Variants in EXOC6B observed in about 807,000 individuals in gnomAD.
The protein encoded by EXOC6B is exocyst complex component 6B, also known as SEC15 homolog B.
EXOC6B carries 54 observed loss-of-function variants against 113.5 expected under a neutral mutation model. The ratio of observed to expected loss-of-function variants is 0.48; its 90% confidence interval spans 0.38 to 0.60. EXOC6B has a LOEUF of 0.60. Among genes scored for constraint, EXOC6B ranks in the 20% least tolerant of loss-of-function variants. The probability of loss-of-function intolerance (pLI) is 0.00; values close to 1 mark genes in which losing one functional copy is unlikely to be tolerated. For synonymous variants in EXOC6B, 357 were observed against 339.0 expected (o/e 1.05, Z -0.58); for missense variants, 797 against 977.5 (o/e 0.82, Z 2.46).
At position 72,388,428 on chromosome 2, in the gene EXOC6B, T is replaced by C. The variant is rs1032942139; in HGVS notation, c.1981-8558A>G. On this transcript the variant is annotated intron_variant, in intron 18 of 21. Coordinates refer to ENST00000272427, the MANE Select transcript of EXOC6B (RefSeq NM_015189.3). Reference sequence around the variant, plus strand: ...ACTAACATAGTCTATACAGTTTTACTCCTTTTGAATTTACTGACGCATGTT... The same window carrying C: ...ACTAACATAGTCTATACAGTTTTACCCCTTTTGAATTTACTGACGCATGTT... Among the ~76,000 whole-genome samples the C allele has an allele frequency of 4.3e-4, 65 of 152,200 alleles. 1 individual carries two copies. The highest frequency in any genetic ancestry group is 1.6e-4 in the Non-Finnish European group (11 of 68,024).
intron 20 of EXOC6B, among the ~76,000 whole-genome samples, chr2:72,271,847 G>GA (rs35086517): frequency 0.019 from 2,871 of 149,280 alleles, 86 homozygotes; most frequent in African/African-American, 0.066. Context: ...AATGCTCAAG[G>GA]AAAAAAAAAA....
Position 72,300,124 on chromosome 2 carries a change from G to C in EXOC6B, c.2196+34823C>G, listed in dbSNP as rs190478909. ...AAGTCTGCTGAAGCTGTGCCCACAG[G>C]CGCCCCTTCTCCCAGGTGCTCAGTC... On this transcript the variant is annotated intron_variant, in intron 20 of 21. Transcript: ENST00000272427. 6.9e-3 allele frequency among the ~76,000 whole-genome samples: 1,045 copies of C among 152,292 alleles called. 4 individuals are homozygous for C. The highest frequency in any genetic ancestry group is 0.011 in the Non-Finnish European group (782 of 68,014).
chr2:72,696,586 G>C (rs891803129), intron 6 of EXOC6B, among the ~76,000 whole-genome samples: 1 of 152,140 alleles, frequency 6.6e-6, no homozygotes, highest in African/African-American at 2.4e-5. Flanking sequence ...TCTGGAGACT[G>C]GGTTTGAAGA....
At chr2:72,224,800 G>C (rs1049064523) in intron 20 of EXOC6B, among the ~76,000 whole-genome samples, 1 of 144,990 alleles carries the variant, frequency 6.9e-6, no homozygotes, top group Admixed American at 6.9e-5. Flanking sequence ...CAGCTAATCT[G>C]TGTGTGTGTG....
At chr2:72,589,599 C>A (rs905583504) in intron 6 of EXOC6B, among the ~76,000 whole-genome samples, 1 of 151,768 alleles carries the variant, frequency 6.6e-6, no homozygotes, top group African/African-American at 2.4e-5. Flanking sequence ...ATATGCAGGT[C>A]TATCTGGTAA....
intron 7 of EXOC6B, 27 bp from the exon 8 acceptor site, chr2:72,559,548 A>C (rs760227261): frequency 6.3e-7 from 1 of 1,590,974 alleles, no homozygotes; most frequent in Admixed American, 1.8e-5. Flanking sequence ...ATAACAAAAA[A>C]ATTCAAACAA....
At chr2:72,659,084 C>T (rs1674818711) in intron 6 of EXOC6B, among the ~76,000 whole-genome samples, 1 of 152,032 alleles carries the variant, frequency 6.6e-6, no homozygotes, top group Non-Finnish European at 1.5e-5. Context: ...CAGACAGTAT[C>T]TCAAATTATT....
In EXOC6B at chr2:72,465,252, T is replaced by C. The variant is rs1558694909; in HGVS notation, c.1888A>G (p.Met630Val). 5 of 1,610,912 alleles carry C rather than the reference T, an allele frequency of 3.1e-6. No homozygotes were observed. ...QFLQLADYDWMTGDLGNKASD... is the reference protein window; with the variant it reads ...QFLQLADYDWVTGDLGNKASD... ...GCTTTGTTGCCCAAATCTCCGGTCA[T>C]CCAGTCATAGTCTGCCAGCTGTAGG... Residue 630 changes from methionine (M) to valine (V), a missense_variant, in exon 18 of 22, where the codon ATG (methionine) becomes GTG (valine). Coordinates refer to ENST00000272427, the MANE Select transcript of EXOC6B (RefSeq NM_015189.3).
intron 16 of EXOC6B, among the ~76,000 whole-genome samples, chr2:72,489,411 A>AT (rs1380754900): frequency 4.6e-5 from 7 of 151,928 alleles, no homozygotes; most frequent in South Asian, 2.1e-4. Context: ...TCTTGTTCTA[A>AT]TTTTTTTTAC....
chr2:72,231,184 C>G (rs13399018), intron 20 of EXOC6B, among the ~76,000 whole-genome samples: 5,120 of 152,218 alleles, frequency 0.034, 263 homozygotes, highest in African/African-American at 0.11. Flanking sequence ...TTTCTCTGCT[C>G]TCACTCTCTC....
chr2:72,454,361 A>G (rs2105371458), intron 18 of EXOC6B, among the ~76,000 whole-genome samples: 1 of 152,214 alleles, frequency 6.6e-6, no homozygotes, highest in Middle Eastern at 3.4e-3. Flanking sequence ...TAAGTTAGCC[A>G]GGAATGGCAG....
intron 6 of EXOC6B, among the ~76,000 whole-genome samples, chr2:72,672,712 A>G (rs1675990193): frequency 6.6e-6 from 1 of 152,174 alleles, no homozygotes; most frequent in Non-Finnish European, 1.5e-5. Context: ...GCACAAAAAG[A>G]CAAATATCAC....
At chr2:72,580,209 T>C (rs1017467563) in intron 6 of EXOC6B, among the ~76,000 whole-genome samples, 7 of 145,666 alleles carry the variant, frequency 4.8e-5, no homozygotes, top group Admixed American at 1.4e-4. Flanking sequence ...TGGCGCGATA[T>C]CGGCTCACTG....
chr2:72,498,461 T>C lies in EXOC6B; in HGVS notation c.1330A>G (p.Ile444Val). The C allele has an allele frequency of 6.2e-7, 1 of 1,607,986 alleles. No homozygotes were observed. The highest frequency in any genetic ancestry group is 8.5e-7 in the Non-Finnish European group (1 of 1,176,732). Residue 444 changes from isoleucine to valine, a missense_variant, in exon 13 of 22, where the codon ATT becomes GTT. Transcript: ENST00000272427. Reference protein sequence around the residue: ...SETLLKKWAGIFRNILDSDNY... With the variant: ...SETLLKKWAGVFRNILDSDNY... ...CTATAGATAATTTCTCACCTGAAAA[T>C]ACCTGCCCACTTCTTTAGCAGAGTT...
At chr2:72,655,419 A>G (rs1233261420) in intron 6 of EXOC6B, among the ~76,000 whole-genome samples, 2 of 152,088 alleles carry the variant, frequency 1.3e-5, no homozygotes, top group Admixed American at 1.3e-4. Flanking sequence ...AAGACAATGG[A>G]GGAAGATACA....
At chr2:72,789,681 C>T (rs1472484965) in intron 1 of EXOC6B, among the ~76,000 whole-genome samples, 1 of 152,046 alleles carries the variant, frequency 6.6e-6, no homozygotes, top group African/African-American at 2.4e-5. Context: ...ACTGATGACA[C>T]CAAATTTAAT....
chr2:72,704,313 G>C (rs911729493), intron 6 of EXOC6B, among the ~76,000 whole-genome samples: 1 of 151,148 alleles, frequency 6.6e-6, no homozygotes, highest in Non-Finnish European at 1.5e-5. Context: ...GAATCTCTGG[G>C]ATGCATTCAA....
At chr2:72,767,581 G>C (rs972489086) in intron 1 of EXOC6B, among the ~76,000 whole-genome samples, 1 of 150,986 alleles carries the variant, frequency 6.6e-6, no homozygotes, top group South Asian at 2.1e-4. Flanking sequence ...AGGCGAGGCC[G>C]GCGGATTGCT....
intron 19 of EXOC6B, chr2:72,335,356 T>G (rs1347674961): frequency 2.7e-5 from 5 of 186,832 alleles, no homozygotes; most frequent in Non-Finnish European, 5.5e-5. Context: ...GTTTTTCCTC[T>G]CAACACAATA....
Sources: gnomAD v4.1 joint callset for allele counts (sites outside exome capture counted in the v4.1 genomes callset) on GRCh38, gnomAD v4.1.1 for gene constraint, MANE v1.5 for transcripts, NCBI Gene and HGNC (gene_info 2026-07-23, HGNC 2026-07-21) for gene names.